The following TACC2 variants were observed in gnomAD, a reference collection of about 807,000 sequenced individuals.
The protein encoded by TACC2 is transforming acidic coiled-coil-containing protein 2.
TACC2 carries 137 observed loss-of-function variants against 227.3 expected under a neutral mutation model. That is an observed-to-expected ratio of 0.60 (90% CI 0.52 to 0.69). The LOEUF is 0.69. Ranked by LOEUF, TACC2 falls within the 30% of genes least tolerant of loss-of-function variation. The probability of loss-of-function intolerance (pLI) is 0.00; values close to 1 mark genes in which losing one functional copy is unlikely to be tolerated. For missense variants in TACC2, 3,470 were observed against 3,694.4 expected (o/e 0.94, Z 1.57); for synonymous variants, 1,523 against 1,487.5 (o/e 1.02, Z -0.55).
intron 8 of TACC2, among the ~76,000 whole-genome samples, chr10:122,201,475 G>C (rs989052316): frequency 4.6e-5 from 7 of 152,246 alleles, no homozygotes; most frequent in Admixed American, 4.6e-4. Context: ...TACACTGAAA[G>C]GATGGCGACG....
intron 5 of TACC2, among the ~76,000 whole-genome samples, chr10:122,126,499 C>G (rs570874212): frequency 2.4e-4 from 36 of 152,118 alleles, no homozygotes; most frequent in Non-Finnish European, 4.1e-4. Context: ...CTGGATTTGT[C>G]TGATTCCTCT....
At position 122,005,923 on chromosome 10, in the gene TACC2, G is replaced by A. The variant is rs550375644; in HGVS notation, c.-45-16014G>A. Reference sequence around the variant, plus strand: ...TTGGCCAGGCTGGTCTCAAACTCTGGACCTCAGGTGATCTGCCCGCCTCAG... The same window carrying A: ...TTGGCCAGGCTGGTCTCAAACTCTGAACCTCAGGTGATCTGCCCGCCTCAG... On this transcript the variant is annotated intron_variant, in intron 1 of 22. Coordinates refer to ENST00000369005, the MANE Select transcript of TACC2 (RefSeq NM_206862.4). Among the ~76,000 whole-genome samples, 3 of 151,954 alleles carry A rather than the reference G, an allele frequency of 2.0e-5. No homozygotes were observed. In the South Asian group the frequency reaches 6.2e-4, roughly 32 times the overall value.
rs2080175398 is a variant in TACC2, at chr10:122,087,128, G to A, written c.4628G>A (p.Gly1543Asp). Residue 1543 changes from glycine (G) to aspartate (D), a missense_variant, in exon 4 of 23, where the codon GGC becomes GAC. Coordinates refer to ENST00000369005, the MANE Select transcript of TACC2 (RefSeq NM_206862.4). ...GPGAAWPGLE[G>D]QAYSQLERSR... ...GGGGCAGCCTGGCCAGGCCTGGAAG[G>A]CCAGGCTTACTCACAGCTGGAGAGG... 1 of 1,610,164 alleles carries A rather than the reference G, an allele frequency of 6.2e-7. No individual in the cohort carries two copies. Among genetic ancestry groups the A allele is most frequent in the South Asian group, 1.1e-5 (1 of 90,552 alleles).
At chr10:122,236,270 A>G (rs1034012488) in intron 16 of TACC2, among the ~76,000 whole-genome samples, 1 of 151,590 alleles carries the variant, frequency 6.6e-6, no homozygotes, top group Admixed American at 6.6e-5. Flanking sequence ...TCTTTCCCCA[A>G]ATCTCTCTCT....
intron 1 of TACC2, among the ~76,000 whole-genome samples, chr10:122,002,386 ATATTTTTG>A (rs1954495249): frequency 6.6e-6 from 1 of 150,848 alleles, no homozygotes; most frequent in Non-Finnish European, 1.5e-5. Flanking sequence ...ATGTTTTTCA[ATATTTTTG>A]CATCACTCAT....
At chr10:122,235,459 C>T (rs2141569642) in intron 16 of TACC2, among the ~76,000 whole-genome samples, 1 of 152,244 alleles carries the variant, frequency 6.6e-6, no homozygotes, top group Non-Finnish European at 1.5e-5. Context: ...TTCTCAAGCT[C>T]CTGGCCTCAA....
intron 5 of TACC2, among the ~76,000 whole-genome samples, chr10:122,116,527 C>A (rs1338268799): frequency 6.6e-6 from 1 of 152,228 alleles, no homozygotes; most frequent in African/African-American, 2.4e-5. Flanking sequence ...CTGTCTGAGT[C>A]ACCTTCCTTC....
chr10:122,060,776 G>T (rs992645364), intron 3 of TACC2, among the ~76,000 whole-genome samples: 1 of 152,140 alleles, frequency 6.6e-6, no homozygotes, highest in Admixed American at 6.6e-5. Context: ...AGGCCAAGGT[G>T]GGCGGATCAC....
At chr10:122,028,750 C>G (rs558736100) in intron 2 of TACC2, among the ~76,000 whole-genome samples, 1 of 117,990 alleles carries the variant, frequency 8.5e-6, no homozygotes, top group South Asian at 3.0e-4. Flanking sequence ...CCCCTCTCCT[C>G]CCTTCCCCTT....
At position 121,990,891 on chromosome 10, in the gene TACC2, G is replaced by A. The variant is rs145955918; in HGVS notation, c.-46+1403G>A. Among the ~76,000 whole-genome samples, 212 of 152,244 alleles carry A rather than the reference G, an allele frequency of 1.4e-3. 3 individuals carry two copies. The East Asian group carries it at 0.022, about 16-fold the overall frequency. On this transcript the variant is annotated intron_variant, in intron 1 of 22. Transcript: ENST00000369005. ...CAACCTCTGCCTCCCAGGTTCACTC[G>A]ATTCTCCTGCCTCAGCCCCCTGAGT...
At chr10:122,041,513 C>T (rs2136012832) in intron 2 of TACC2, among the ~76,000 whole-genome samples, 1 of 150,966 alleles carries the variant, frequency 6.6e-6, no homozygotes. Flanking sequence ...ATGGCGCGAT[C>T]TCGGCTCACT....
At chr10:122,073,936 T>C (rs976728434) in intron 3 of TACC2, among the ~76,000 whole-genome samples, 2 of 151,964 alleles carry the variant, frequency 1.3e-5, no homozygotes, top group Non-Finnish European at 2.9e-5. Context: ...CCCGCCACCA[T>C]GCCCGGCTAA....
chr10:121,999,628 C>T (rs945884993), intron 1 of TACC2, among the ~76,000 whole-genome samples: 8 of 152,246 alleles, frequency 5.3e-5, no homozygotes, highest in African/African-American at 1.9e-4. Flanking sequence ...GCCTGTTTTA[C>T]TGCCCCAGGA....
rs1426135207 is a variant in TACC2, at chr10:122,143,672, C to T, written c.5800C>T (p.Pro1934Ser). The T allele has an allele frequency of 6.2e-7, 1 of 1,614,052 alleles. No homozygotes were observed. The highest frequency in any genetic ancestry group is 8.5e-7 in the Non-Finnish European group (1 of 1,180,034). ...PAGDRVEAST[P>S]SCPDPAKDLS... The stretch of plus-strand genomic sequence containing the variant: ...TGGTGACAGAGTAGAAGCTTCCACT[C>T]CCTCCTGCCCAGATCCGGCCAAGGA... The change falls in exon 7 of 23, where the codon CCC becomes TCC. Residue 1934 changes from proline to serine, a missense_variant. By Grantham distance (74) the Pro-to-Ser change is moderately conservative (BLOSUM62 -1). Around this residue, in one of 10 missense-constraint regions of TACC2, gnomAD observed 1,924 missense variants for 1,978.3 expected, o/e 0.97. Coordinates refer to ENST00000369005, the MANE Select transcript of TACC2 (RefSeq NM_206862.4).
chr10:122,110,844 G>A (rs2083500712), intron 5 of TACC2, among the ~76,000 whole-genome samples: 1 of 152,202 alleles, frequency 6.6e-6, no homozygotes, highest in Non-Finnish European at 1.5e-5. Context: ...ACTAGGAGCT[G>A]TGTAGGTGAA....
At chr10:122,064,958 A>G (rs903413590) in intron 3 of TACC2, among the ~76,000 whole-genome samples, 1 of 152,230 alleles carries the variant, frequency 6.6e-6, no homozygotes, top group Non-Finnish European at 1.5e-5. Flanking sequence ...CCTGCCCAAG[A>G]GTAACAACTA....
intron 1 of TACC2, among the ~76,000 whole-genome samples, chr10:122,014,870 T>C (rs1956380698): frequency 6.6e-6 from 1 of 152,170 alleles, no homozygotes; most frequent in Non-Finnish European, 1.5e-5. Context: ...TCACATGAGA[T>C]GGTACCTTCC....
intron 2 of TACC2, among the ~76,000 whole-genome samples, chr10:122,028,083 TC>T (rs763526875): frequency 6.3e-5 from 7 of 111,774 alleles, no homozygotes; most frequent in Non-Finnish European, 8.8e-5. Flanking sequence ...TTTCTTTCTT[TC>T]TTTTTTTTTT....
chr10:122,247,156 A>C (rs1191926127), intron 19 of TACC2: 1 of 152,446 alleles, frequency 6.6e-6, no homozygotes, highest in African/African-American at 2.4e-5. Context: ...TGGTTTGCAC[A>C]TTAGGAAGCT....
Sources: gnomAD v4.1 joint callset for allele counts (sites outside exome capture counted in the v4.1 genomes callset) on GRCh38, gnomAD v4.1.1 for gene constraint, gnomAD v4.1.1 regional missense constraint, MANE v1.5 for transcripts, NCBI Gene and HGNC (gene_info 2026-07-23, HGNC 2026-07-21) for gene names.